Variants in DPP4 observed in about 807,000 individuals in gnomAD.
DPP4 encodes ADCP-2.
Under a neutral mutation model 122.4 loss-of-function variants are expected in DPP4, and 93 were observed. That is an observed-to-expected ratio of 0.76 (90% CI 0.64 to 0.90). The LOEUF (loss-of-function observed/expected upper bound fraction) is 0.90. DPP4 is among the 40% of genes least tolerant of loss of function. DPP4 has a pLI of 0.00. For synonymous variants in DPP4, 321 were observed against 302.9 expected (o/e 1.06, Z -0.62); for missense variants, 914 against 907.3 (o/e 1.01, Z -0.09).
chr2:162,008,542 A>T lies in DPP4; in HGVS notation c.1987+20T>A. ...AGGTCAACACTCCGTATCTCTTTGT[A>T]CCTGGCAGCAATTACATACCATAGT... On this transcript the variant is annotated intron_variant, in intron 22 of 25. Transcript: ENST00000360534. The T allele has an allele frequency of 1.2e-6, 2 of 1,604,340 alleles. No individual in the cohort carries two copies. Among genetic ancestry groups the T allele is most frequent in the Non-Finnish European group, 1.7e-6 (2 of 1,171,410 alleles).
chr2:162,009,090 C>A, intron 21 of DPP4, 151 bp downstream of exon 21: 1 of 763,200 alleles, frequency 1.3e-6, no homozygotes, highest in Non-Finnish European at 2.2e-6. Context: ...AAGCCTAACT[C>A]AGTGGAGATT....
intron 22 of DPP4, among the ~76,000 whole-genome samples, chr2:162,006,126 AGATT>A (rs1701277854): frequency 1.3e-5 from 2 of 152,224 alleles, no homozygotes; most frequent in Admixed American, 1.3e-4. Context: ...AGATCAAACC[AGATT>A]ATCTAAAATC....
At chr2:162,061,785 C>T (rs890744967) in intron 2 of DPP4, among the ~76,000 whole-genome samples, 2 of 152,136 alleles carry the variant, frequency 1.3e-5, no homozygotes, top group African/African-American at 2.4e-5. Context: ...GCACTAGAGA[C>T]ATCACAGTGA....
At position 162,007,890 on chromosome 2, in the gene DPP4, T is replaced by C. The variant is rs1222349139; in HGVS notation, c.1987+672A>G. 2.6e-5 allele frequency among the ~76,000 whole-genome samples: 4 copies of C among 152,286 alleles called. No individual in the cohort carries two copies. In the Middle Eastern group the frequency reaches 0.01, roughly 388 times the overall value. Reference sequence around the variant, plus strand: ...TTAATAAGCTATTCATCATCAGCCATTCTTTTCTTACACTAGACAGAAGAC... The same window carrying C: ...TTAATAAGCTATTCATCATCAGCCACTCTTTTCTTACACTAGACAGAAGAC... On this transcript the variant is annotated intron_variant, in intron 22 of 25. Coordinates refer to ENST00000360534, the MANE Select transcript of DPP4 (RefSeq NM_001935.4).
In DPP4 at chr2:162,021,223, G is replaced by T. The variant is rs1426037410; in HGVS notation, c.1069-535C>A. Among the ~76,000 whole-genome samples the T allele has an allele frequency of 2.0e-5, 3 of 152,114 alleles. No homozygotes were observed. The East Asian group carries it at 5.8e-4, about 29-fold the overall frequency. The stretch of plus-strand genomic sequence containing the variant: ...TTCTGGACTACATACTATAAGGAAT[G>T]TCTGTTGTATATTTCATATGAAAAC... On this transcript the variant is annotated intron_variant, in intron 12 of 25. Transcript: ENST00000360534.
chr2:162,045,480 T>G lies in DPP4; in HGVS notation c.366+52A>C. The G allele has an allele frequency of 2.2e-6, 3 of 1,359,786 alleles. No individual in the cohort carries two copies. The South Asian group carries it at 3.5e-5, about 16-fold the overall frequency. 84.2% of individuals were successfully genotyped at this position (1,359,786 alleles called of 1,614,324 possible). A position where few individuals can be genotyped will look rare whatever the true frequency, so the allele number is the denominator to read the frequency against. On this transcript the variant is annotated intron_variant, in intron 5 of 25. Coordinates refer to ENST00000360534, the MANE Select transcript of DPP4 (RefSeq NM_001935.4). ...CATACACTTGAAATCGGTTATAACATAGCATACTCTTGGATTATTTAAATG... is the reference window on the plus strand; with the variant it reads ...CATACACTTGAAATCGGTTATAACAGAGCATACTCTTGGATTATTTAAATG...
At chr2:162,024,160 A>G (rs1576046620) in intron 11 of DPP4, among the ~76,000 whole-genome samples, 1 of 152,166 alleles carries the variant, frequency 6.6e-6, no homozygotes, top group East Asian at 1.9e-4. Context: ...TATGCCAGCA[A>G]ACCTCTTCCA....
intron 23 of DPP4, among the ~76,000 whole-genome samples, chr2:162,002,673 A>AAGAG (rs112312472): frequency 3.3e-5 from 5 of 150,404 alleles, no homozygotes; most frequent in African/African-American, 4.9e-5. Context: ...GAAAAAGAGG[A>AAGAG]AGAGAGAGAG....
Position 162,011,833 on chromosome 2 carries a change from G to C in DPP4, c.1792C>G (p.Leu598Val). 1.2e-6 allele frequency: 2 copies of C among 1,613,594 alleles called. No individual in the cohort carries two copies. The change falls in exon 20 of 26, where the codon CTG (leucine) becomes GTG (valine). Residue 598 changes from leucine (L) to valine (V), a missense_variant. By Grantham distance (32) the Leu-to-Val change is conservative. Coordinates refer to ENST00000360534, the MANE Select transcript of DPP4 (RefSeq NM_001935.4). ...DKIMHAINRR[L>V]GTFEVEDQIE... Reference sequence around the variant, plus strand: ...TGATCTTCAACTTCAAATGTTCCCAGTCTTCTGTTGATTGCATGCATGATC... The same window carrying C: ...TGATCTTCAACTTCAAATGTTCCCACTCTTCTGTTGATTGCATGCATGATC...
At chr2:162,065,850 T>C (rs957524308) in intron 2 of DPP4, among the ~76,000 whole-genome samples, 2 of 152,192 alleles carry the variant, frequency 1.3e-5, no homozygotes, top group Non-Finnish European at 2.9e-5. Context: ...TGTTTATGTG[T>C]CTTTTAATGC....
At chr2:162,005,360 A>G (rs1351480229) in intron 23 of DPP4, among the ~76,000 whole-genome samples, 1 of 152,226 alleles carries the variant, frequency 6.6e-6, no homozygotes, top group Non-Finnish European at 1.5e-5. Flanking sequence ...ATAGTCTCGT[A>G]TATATATCTT....
At chr2:162,043,806 T>A (rs1177059196) in intron 5 of DPP4, among the ~76,000 whole-genome samples, 1 of 152,024 alleles carries the variant, frequency 6.6e-6, no homozygotes, top group African/African-American at 2.4e-5. Flanking sequence ...GGTGGGAGAA[T>A]CGTTTGAGGA....
intron 25 of DPP4, 124 bp downstream of exon 25, chr2:161,994,837 G>C (rs529725484): frequency 2.7e-5 from 23 of 859,710 alleles, no homozygotes; most frequent in African/African-American, 5.2e-5. Flanking sequence ...ACTTCACGTT[G>C]AAAAAAAAAT....
chr2:161,993,126 A>C lies in DPP4; in HGVS notation c.*157T>G. The C allele has an allele frequency of 6.8e-6, 4 of 589,594 alleles. No individual in the cohort carries two copies. The Middle Eastern group carries it at 1.7e-3, about 256-fold the overall frequency. 36.5% of individuals were successfully genotyped at this position (589,594 alleles called of 1,614,324 possible). A position where few individuals can be genotyped will look rare whatever the true frequency, so the allele number is the denominator to read the frequency against. ...TTGTGAAGACAGAAGTCCCTACTTA[A>C]GATGATAGGTATGAAATTTGGGAAC... On this transcript the variant is annotated 3_prime_UTR_variant, in exon 26 of 26. Transcript: ENST00000360534.
intron 2 of DPP4, among the ~76,000 whole-genome samples, chr2:162,057,512 C>T (rs1156479052): frequency 6.6e-6 from 1 of 152,184 alleles, no homozygotes; most frequent in East Asian, 1.9e-4. Flanking sequence ...CTCCTTTCCT[C>T]CTTCTTGCTG....
At position 162,016,860 on chromosome 2, in the gene DPP4, C is replaced by T. The variant is rs17848907; in HGVS notation, c.1475G>A (p.Arg492Lys). Residue 492 changes from arginine to lysine, a missense_variant, in exon 18 of 26, where the codon AGA becomes AAA. By Grantham distance (26) the Arg-to-Lys change is conservative. Transcript: ENST00000360534. The stretch of plus-strand genomic sequence containing the variant: ...CAAAGCTGAATTGTCTTCCAGGACT[C>T]TCAGCCCTAAAGAAATACAGGAGAC... ...LHSSVNDKGLRVLEDNSALDK... is the reference protein window; with the variant it reads ...LHSSVNDKGLKVLEDNSALDK... The T allele has an allele frequency of 3.1e-6, 5 of 1,610,380 alleles. No homozygotes were observed. The East Asian group carries it at 8.9e-5, about 29-fold the overall frequency.
chr2:162,041,949 T>C (rs1684001376), intron 5 of DPP4, among the ~76,000 whole-genome samples: 1 of 151,550 alleles, frequency 6.6e-6, no homozygotes, highest in African/African-American at 2.4e-5. Flanking sequence ...ATAATGGAGG[T>C]GGGTGGGAGA....
chr2:162,069,172 G>C (rs767606013), intron 2 of DPP4, among the ~76,000 whole-genome samples: 11 of 152,190 alleles, frequency 7.2e-5, no homozygotes, highest in African/African-American at 9.7e-5. Context: ...TAAATCTTCT[G>C]TAGGAATGGA....
At chr2:162,018,984 T>G in intron 15 of DPP4, 134 bp from the exon 16 acceptor site, 1 of 1,136,246 alleles carries the variant, frequency 8.8e-7, no homozygotes, top group Non-Finnish European at 1.2e-6. Context: ...TTTTTTAGCA[T>G]GAAATAAATA....
Sources: allele counts gnomAD v4.1 joint callset (sites outside exome capture counted in the v4.1 genomes callset), GRCh38; gene constraint gnomAD v4.1.1; transcripts MANE v1.5; gene names NCBI Gene and HGNC (gene_info 2026-07-23, HGNC 2026-07-21).